PADI6: variants seen among roughly 807,000 people sequenced by gnomAD.
The protein encoded by PADI6 is inactive protein-arginine deiminase type-6.
In PADI6, 66 loss-of-function variants were observed where a neutral mutation model predicts 78.2. The ratio of observed to expected loss-of-function variants is 0.84; its 90% confidence interval spans 0.69 to 1.04. The LOEUF (loss-of-function observed/expected upper bound fraction) is 1.04. Ranked by LOEUF, PADI6 falls within the 50% of genes least tolerant of loss-of-function variation. PADI6 has a pLI of 0.00. For synonymous variants in PADI6, 397 were observed against 346.9 expected (o/e 1.14, Z -1.60); for missense variants, 854 against 866.1 (o/e 0.99, Z 0.18).
intron 8 of PADI6, among the ~76,000 whole-genome samples, chr1:17,390,551 C>A (rs2075171813): frequency 6.7e-6 from 1 of 149,988 alleles, no homozygotes; most frequent in Non-Finnish European, 1.5e-5. Flanking sequence ...TTGCAGTGAG[C>A]CAAGATTGCA....
At chr1:17,395,737 C>T in intron 13 of PADI6, 74 bp downstream of exon 13, 3 of 1,515,004 alleles carry the variant, frequency 2.0e-6, no homozygotes, top group South Asian at 1.3e-5. Context: ...CATAGCCATT[C>T]TGTCACGCTT....
chr1:17,385,484 G>A (rs1221434036), intron 6 of PADI6, among the ~76,000 whole-genome samples: 2 of 152,202 alleles, frequency 1.3e-5, no homozygotes, highest in African/African-American at 4.8e-5. Flanking sequence ...TTGGGGACTC[G>A]CTGGGGTGGG....
rs750469901 is a variant in PADI6, at chr1:17,382,067, G to A, written c.654G>A (p.Lys218=). Residue 218 remains lysine (K), a synonymous_variant, in exon 6 of 16, where the codon AAG becomes AAA. Coordinates refer to ENST00000619609, the MANE Select transcript of PADI6 (RefSeq NM_207421.4). Reference sequence around the variant, plus strand: ...TCCATACCTCCAAGGAAGAGTCGAAGAAGGCGAGAGTCTACTGGCCCCAAA... The same window carrying A: ...TCCATACCTCCAAGGAAGAGTCGAAAAAGGCGAGAGTCTACTGGCCCCAAA... ...LVLHTSKEES[K]KARVYWPQKD... 1 of 1,613,988 alleles carries A rather than the reference G, an allele frequency of 6.2e-7. No homozygotes were observed. Among genetic ancestry groups the A allele is most frequent in the East Asian group, 2.2e-5 (1 of 44,888 alleles).
intron 13 of PADI6, among the ~76,000 whole-genome samples, chr1:17,396,184 G>A (rs1426064195): frequency 6.6e-6 from 1 of 152,136 alleles, no homozygotes; most frequent in African/African-American, 2.4e-5. Flanking sequence ...CCAAAAGTTC[G>A]AGGCCAGCCT....
chr1:17,384,401 C>T (rs1255808760), intron 6 of PADI6, among the ~76,000 whole-genome samples: 1 of 152,074 alleles, frequency 6.6e-6, no homozygotes, highest in African/African-American at 2.4e-5. Flanking sequence ...CAAGACCAGC[C>T]TTGGCAACAC....
intron 3 of PADI6, among the ~76,000 whole-genome samples, chr1:17,378,493 G>A (rs1337750107): frequency 6.6e-6 from 1 of 152,186 alleles, no homozygotes; most frequent in Non-Finnish European, 1.5e-5. Flanking sequence ...ACACTGGAGC[G>A]ACGTGGTTGT....
At chr1:17,391,560 C>T (rs2075184352) in intron 8 of PADI6, among the ~76,000 whole-genome samples, 1 of 152,236 alleles carries the variant, frequency 6.6e-6, no homozygotes, top group African/African-American at 2.4e-5. Context: ...ACTGCTGTTT[C>T]CCTTCAAGGA....
At chr1:17,385,006 G>T (rs1014215093) in intron 6 of PADI6, among the ~76,000 whole-genome samples, 1 of 152,180 alleles carries the variant, frequency 6.6e-6, no homozygotes, top group African/African-American at 2.4e-5. Context: ...ACAGGGGTGG[G>T]GAAATGGATC....
intron 14 of PADI6, among the ~76,000 whole-genome samples, chr1:17,397,526 C>T (rs2075258876): frequency 6.6e-6 from 1 of 152,116 alleles, no homozygotes; most frequent in South Asian, 2.1e-4. Context: ...CAGATACTGT[C>T]AGAGGGAGTT....
At chr1:17,390,997 T>A (rs1231346641) in intron 8 of PADI6, among the ~76,000 whole-genome samples, 56 of 152,132 alleles carry the variant, frequency 3.7e-4, no homozygotes. Context: ...GGCTGGTAGC[T>A]CCCTGTGGCT....
intron 15 of PADI6, among the ~76,000 whole-genome samples, 189 bp downstream of exon 15, chr1:17,399,036 T>C (rs1398907002): frequency 6.6e-6 from 1 of 152,002 alleles, no homozygotes; most frequent in African/African-American, 2.4e-5. Context: ...GTACAGGGCC[T>C]GAAGGCTTGG....
At chr1:17,392,781 T>C (rs1390646939) in intron 9 of PADI6, among the ~76,000 whole-genome samples, 1 of 152,124 alleles carries the variant, frequency 6.6e-6, no homozygotes, top group African/African-American at 2.4e-5. Flanking sequence ...TTAAGAATAG[T>C]TGGGAAAATC....
In PADI6 at chr1:17,401,641, A is replaced by AGTGT. The variant is rs2075302617; in HGVS notation, c.*204_*207dup. On this transcript the variant is annotated 3_prime_UTR_variant, in exon 16 of 16. Transcript: ENST00000619609. ...AACCCCTATGGGGAAAAGATGCAAA[A>AGTGT]GTGTTCAGCCAAGTGACGTTTACTA... 1 of 588,334 alleles carries AGTGT rather than the reference A, an allele frequency of 1.7e-6. No individual in the cohort carries two copies. The highest frequency in any genetic ancestry group is 3.0e-6 in the Non-Finnish European group (1 of 332,512). The allele number at this position is 588,334 out of a possible 1,614,324, so 36.4% of individuals were successfully genotyped here.
chr1:17,374,993 C>T (rs1461843162), intron 2 of PADI6, among the ~76,000 whole-genome samples: 2 of 152,132 alleles, frequency 1.3e-5, no homozygotes, highest in Non-Finnish European at 2.9e-5. Flanking sequence ...GCTTAAGCCA[C>T]CAGAGGCCTG....
At chr1:17,384,740 T>C (rs1555657) in intron 6 of PADI6, among the ~76,000 whole-genome samples, 15 of 152,218 alleles carry the variant, frequency 9.9e-5, no homozygotes, top group Non-Finnish European at 2.1e-4. Context: ...TGGCCAACCC[T>C]GGCAAATGCT....
At chr1:17,390,102 C>A (rs541815883) in intron 8 of PADI6, among the ~76,000 whole-genome samples, 1 of 151,884 alleles carries the variant, frequency 6.6e-6, no homozygotes, top group Non-Finnish European at 1.5e-5. Context: ...AAGTTCGAGA[C>A]CAGCCTGGCC....
chr1:17,391,442 A>T (rs1046624157), intron 8 of PADI6, among the ~76,000 whole-genome samples: 1 of 151,624 alleles, frequency 6.6e-6, no homozygotes, highest in Admixed American at 6.6e-5. Context: ...ATGGTCTCAA[A>T]CTCCCAGTCT....
At chr1:17,396,543 C>T (rs1189830538) in intron 13 of PADI6, among the ~76,000 whole-genome samples, 1 of 152,174 alleles carries the variant, frequency 6.6e-6, no homozygotes, top group African/African-American at 2.4e-5. Flanking sequence ...GGATACTCAG[C>T]CTTTGGGGTT....
chr1:17,398,932 A>C, intron 15 of PADI6, 85 bp downstream of exon 15: 1 of 1,392,076 alleles, frequency 7.2e-7, no homozygotes, highest in Non-Finnish European at 9.9e-7. Context: ...GACTGCAGAT[A>C]TGGTGGACAG....
Sources: gnomAD v4.1 joint callset for allele counts (sites outside exome capture counted in the v4.1 genomes callset) on GRCh38, gnomAD v4.1.1 for gene constraint, MANE v1.5 for transcripts, NCBI Gene and HGNC (gene_info 2026-07-23, HGNC 2026-07-21) for gene names.